PCDH15: variants seen among roughly 807,000 people sequenced by gnomAD.
PCDH15 encodes protocadherin-15.
In PCDH15, 129 loss-of-function variants were observed where a neutral mutation model predicts 178.5. The ratio of observed to expected loss-of-function variants is 0.72; its 90% CI spans 0.63 to 0.84. The LOEUF (loss-of-function observed/expected upper bound fraction) is 0.84. Among genes scored for constraint, PCDH15 ranks in the 40% least tolerant of loss-of-function variants. The probability of loss-of-function intolerance (pLI) is 0.00; values close to 1 mark genes in which losing one functional copy is unlikely to be tolerated. For synonymous variants in PCDH15, 800 were observed against 732.0 expected (o/e 1.09, Z -1.50); for missense variants, 2,230 against 2,099.9 (o/e 1.06, Z -1.21).
At chr10:54,972,848 CA>C (rs750356955) in intron 2 of PCDH15, among the ~76,000 whole-genome samples, 1,488 of 53,492 alleles carry the variant, frequency 0.028, 10 homozygotes, top group African/African-American at 0.097. Flanking sequence ...GACTCCATCT[CA>C]AAAAAAAAAA....
chr10:53,910,573 G>A (rs554239047), intron 25 of PCDH15, among the ~76,000 whole-genome samples: 1 of 152,284 alleles, frequency 6.6e-6, no homozygotes, highest in South Asian at 2.1e-4. Flanking sequence ...GAGCAGAAAA[G>A]CTGAAAATTC....
chr10:54,023,419 C>G (rs984214380), intron 18 of PCDH15, among the ~76,000 whole-genome samples: 15 of 151,080 alleles, frequency 9.9e-5, no homozygotes, highest in African/African-American at 3.6e-4. Context: ...CGGATAATGT[C>G]ATTAGCAATA....
intron 2 of PCDH15, among the ~76,000 whole-genome samples, chr10:55,150,132 A>G (rs1838667258): frequency 1.3e-5 from 2 of 151,880 alleles, no homozygotes. Context: ...AGGAGAGAAG[A>G]CAAGAGAAGA....
At chr10:55,393,715 C>G (rs1008590762) in intron 2 of PCDH15, among the ~76,000 whole-genome samples, 6 of 152,168 alleles carry the variant, frequency 3.9e-5, no homozygotes, top group African/African-American at 4.8e-5. Flanking sequence ...ATCTGACTTA[C>G]AACCCAGATC....
chr10:54,883,672 C>T (rs1954302794), intron 3 of PCDH15, among the ~76,000 whole-genome samples: 1 of 151,964 alleles, frequency 6.6e-6, no homozygotes, highest in East Asian at 1.9e-4. Context: ...TATCAAACTT[C>T]ATTACACTAT....
At chr10:54,693,696 ACT>A (rs773147917) in intron 1 of PCDH15, among the ~76,000 whole-genome samples, 5 of 152,114 alleles carry the variant, frequency 3.3e-5, no homozygotes, top group Non-Finnish European at 7.4e-5. Context: ...ATAGGGAAAG[ACT>A]CTCTAAGTAT....
At chr10:54,944,531 G>T (rs900919003) in intron 2 of PCDH15, among the ~76,000 whole-genome samples, 2 of 151,856 alleles carry the variant, frequency 1.3e-5, no homozygotes, top group African/African-American at 4.8e-5. Flanking sequence ...TCTAGGCAGT[G>T]AATACACAGT....
intron 13 of PCDH15, among the ~76,000 whole-genome samples, chr10:54,162,444 G>A (rs1310333052): frequency 1.3e-5 from 2 of 152,182 alleles, no homozygotes; most frequent in East Asian, 3.9e-4. Context: ...GGCTGTCTGT[G>A]TTGAGAAAAG....
At chr10:53,859,127 T>C (rs1299770638) in intron 27 of PCDH15, among the ~76,000 whole-genome samples, 1 of 151,824 alleles carries the variant, frequency 6.6e-6, no homozygotes, top group Non-Finnish European at 1.5e-5. Flanking sequence ...AACTATAGGG[T>C]GTTATCCCAA....
intron 1 of PCDH15, among the ~76,000 whole-genome samples, chr10:54,699,873 TA>T (rs754621791): frequency 8.5e-5 from 13 of 152,250 alleles, no homozygotes; most frequent in Non-Finnish European, 1.3e-4. Context: ...ATGCATTGCA[TA>T]GGGGAAAACA....
chr10:55,430,315 G>A lies in PCDH15; in HGVS notation c.-156+197310C>T, dbSNP rs184232311. On this transcript the variant is annotated intron_variant, in intron 2 of 5. Coordinates refer to the PCDH15 transcript ENST00000613346. ...CAAAAATAAATAAATAGTTGAAAGT[G>A]AGAGGAATGGGGGAAGAAAAAGGAA... Among the ~76,000 whole-genome samples, 448 of 152,112 alleles carry A rather than the reference G, an allele frequency of 2.9e-3. 3 individuals are homozygous for A. Among genetic ancestry groups the A allele is most frequent in the African/African-American group, 9.9e-3 (411 of 41,506 alleles).
intron 2 of PCDH15, among the ~76,000 whole-genome samples, chr10:54,553,422 T>C (rs2086832490): frequency 6.6e-6 from 1 of 152,200 alleles, no homozygotes; most frequent in Middle Eastern, 3.2e-3. Context: ...TAATGGGAAA[T>C]AGAATCTATT....
At chr10:54,189,943 G>T (rs904400367) in intron 11 of PCDH15, among the ~76,000 whole-genome samples, 5 of 151,732 alleles carry the variant, frequency 3.3e-5, no homozygotes, top group African/African-American at 9.7e-5. Context: ...GTGTGTGTGT[G>T]TGTGTGTGTG....
intron 3 of PCDH15, among the ~76,000 whole-genome samples, chr10:54,462,495 CTTTTTCT>C (rs1565338824): frequency 2.6e-5 from 2 of 76,396 alleles, no homozygotes; most frequent in African/African-American, 1.0e-4. Context: ...CTTTTCTTTT[CTTTTTCT>C]TTTTCTTTTC....
chr10:54,844,559 G>A (rs1276869223), intron 3 of PCDH15, among the ~76,000 whole-genome samples: 1 of 151,850 alleles, frequency 6.6e-6, no homozygotes, highest in Non-Finnish European at 1.5e-5. Context: ...TGCTTTGGTG[G>A]ATTTATGATG....
chr10:54,722,318 C>CA (rs1281458589), intron 1 of PCDH15, among the ~76,000 whole-genome samples: 2 of 148,180 alleles, frequency 1.3e-5, no homozygotes, highest in Admixed American at 1.4e-4. Flanking sequence ...GACAGGATGT[C>CA]AACTCTTATT....
At chr10:54,236,768 T>G (rs1178663063) in intron 9 of PCDH15, 55 bp downstream of exon 9, 1 of 1,348,792 alleles carries the variant, frequency 7.4e-7, no homozygotes, top group East Asian at 2.3e-5. Flanking sequence ...TGAGAGAATT[T>G]GTTACTGTAA....
At chr10:54,703,995 G>A (rs1323074077) in intron 1 of PCDH15, among the ~76,000 whole-genome samples, 1 of 151,976 alleles carries the variant, frequency 6.6e-6, no homozygotes, top group Non-Finnish European at 1.5e-5. Flanking sequence ...TGACAAACAA[G>A]CAATGGTGAA....
chr10:54,395,967 A>T (rs1015295414), intron 3 of PCDH15, among the ~76,000 whole-genome samples: 1 of 152,144 alleles, frequency 6.6e-6, no homozygotes, highest in Non-Finnish European at 1.5e-5. Context: ...AGAATATGCC[A>T]CCCCAATTTA....
Sources: allele counts gnomAD v4.1 joint callset (sites outside exome capture counted in the v4.1 genomes callset), GRCh38; gene constraint gnomAD v4.1.1; transcripts MANE v1.5; gene names NCBI Gene and HGNC (gene_info 2026-07-23, HGNC 2026-07-21).